GKAP1: variants seen among roughly 807,000 people sequenced by gnomAD.
The protein encoded by GKAP1 is G kinase anchoring protein 1.
Under a neutral mutation model 56.7 loss-of-function variants are expected in GKAP1, and 31 were observed. The observed-to-expected ratio is 0.55, with a 90% CI of 0.41 to 0.74. The LOEUF is 0.74. Among genes scored for constraint, GKAP1 ranks in the 30% least tolerant of loss-of-function variants. GKAP1 has a pLI of 0.00. For synonymous variants in GKAP1, 151 were observed against 138.6 expected (o/e 1.09, Z -0.63); for missense variants, 364 against 402.3 (o/e 0.90, Z 0.82).
chr9:83,776,229 G>T (rs1943859482), intron 7 of GKAP1, among the ~76,000 whole-genome samples: 1 of 152,122 alleles, frequency 6.6e-6, no homozygotes, highest in Non-Finnish European at 1.5e-5. Flanking sequence ...GCTAACAAAT[G>T]TAACACATAC....
At chr9:83,771,672 T>C (rs1222473603) in intron 7 of GKAP1, among the ~76,000 whole-genome samples, 2 of 152,210 alleles carry the variant, frequency 1.3e-5, no homozygotes, top group African/African-American at 4.8e-5. Context: ...GCCTTAAGAA[T>C]GCATGTGCGA....
At chr9:83,778,104 G>A (rs1391463008) in intron 7 of GKAP1, among the ~76,000 whole-genome samples, 1 of 152,168 alleles carries the variant, frequency 6.6e-6, no homozygotes, top group East Asian at 1.9e-4. Context: ...TGGTGGGAAT[G>A]TAAATTAGTT....
intron 8 of GKAP1, among the ~76,000 whole-genome samples, chr9:83,768,520 T>C (rs1943701947): frequency 6.6e-6 from 1 of 152,214 alleles, no homozygotes; most frequent in Non-Finnish European, 1.5e-5. Flanking sequence ...ACTCTGAGTG[T>C]CTAAGGGAAG....
intron 2 of GKAP1, among the ~76,000 whole-genome samples, chr9:83,815,312 A>G (rs545637747): frequency 6.6e-6 from 1 of 151,744 alleles, no homozygotes; most frequent in South Asian, 2.1e-4. Context: ...GGGTCTCACT[A>G]TGTTGCCCAG....
intron 4 of GKAP1, among the ~76,000 whole-genome samples, chr9:83,798,688 G>GT (rs564342943): frequency 2.4e-4 from 36 of 151,736 alleles, no homozygotes; most frequent in Admixed American, 4.6e-4. Context: ...TAATTTTTCT[G>GT]TTTTTTTTGT....
Position 83,782,638 on chromosome 9 carries a change from G to A in GKAP1, c.562+2077C>T, listed in dbSNP as rs530463984. 1.8e-4 allele frequency among the ~76,000 whole-genome samples: 26 copies of A among 147,884 alleles called. No individual in the cohort carries two copies. The South Asian group carries it at 2.4e-3, about 13-fold the overall frequency. On this transcript the variant is annotated intron_variant, in intron 6 of 12. Coordinates refer to ENST00000376371, the MANE Select transcript of GKAP1 (RefSeq NM_025211.4). The stretch of plus-strand genomic sequence containing the variant: ...CTCCCAAAGTGCTGGAATTGCAGGC[G>A]TGATGAGCCAACGCGCCCAGCCTTT...
intron 5 of GKAP1, among the ~76,000 whole-genome samples, chr9:83,785,571 G>T (rs1944050641): frequency 6.6e-6 from 1 of 152,086 alleles, no homozygotes. Flanking sequence ...GTCTAAGTTG[G>T]AAACCTCAGA....
At chr9:83,803,177 T>C (rs1300737512) in intron 3 of GKAP1, among the ~76,000 whole-genome samples, 1 of 152,098 alleles carries the variant, frequency 6.6e-6, no homozygotes, top group African/African-American at 2.4e-5. Context: ...ACAACCCAAA[T>C]GCTTATCATG....
chr9:83,773,127 T>C (rs1943791103), intron 7 of GKAP1, among the ~76,000 whole-genome samples: 1 of 152,214 alleles, frequency 6.6e-6, no homozygotes, highest in Admixed American at 6.5e-5. Context: ...ATACGTCAAA[T>C]GTGCATAGCA....
intron 2 of GKAP1, among the ~76,000 whole-genome samples, chr9:83,807,322 G>C (rs1944453673): frequency 6.6e-6 from 1 of 152,122 alleles, no homozygotes; most frequent in South Asian, 2.1e-4. Context: ...GTTCTTTCTG[G>C]AAGTTAGCGG....
intron 8 of GKAP1, among the ~76,000 whole-genome samples, chr9:83,767,084 T>C (rs895934777): frequency 2.6e-5 from 4 of 152,136 alleles, no homozygotes; most frequent in African/African-American, 9.7e-5. Context: ...GTGGTTTTGG[T>C]GATAAAAATA....
At chr9:83,776,619 C>T (rs536409583) in intron 7 of GKAP1, among the ~76,000 whole-genome samples, 37 of 152,124 alleles carry the variant, frequency 2.4e-4, no homozygotes, top group Non-Finnish European at 4.1e-4. Flanking sequence ...TCGCTTGAAC[C>T]CTGGAGGTGG....
In GKAP1 at chr9:83,798,414, TAG is replaced by T. The variant is rs1564210711; in HGVS notation, c.360+769_360+770del. Among the ~76,000 whole-genome samples, 4 of 152,328 alleles carry T rather than the reference TAG, an allele frequency of 2.6e-5. No individual in the cohort carries two copies. In the East Asian group the frequency reaches 7.7e-4, roughly 29 times the overall value. On this transcript the variant is annotated intron_variant, in intron 4 of 12. Transcript: ENST00000376371. ...TTATTTGGTTGTTAATGACATTTAA[TAG>T]AGACATAGAAGAACAAAATATCATG...
intron 4 of GKAP1, among the ~76,000 whole-genome samples, chr9:83,792,781 C>A (rs945578401): frequency 1.4e-4 from 21 of 151,896 alleles, no homozygotes; most frequent in Non-Finnish European, 2.6e-4. Context: ...AAGACAGGCT[C>A]CAGGCAATAA....
chr9:83,812,648 A>T (rs1944528003), intron 2 of GKAP1, among the ~76,000 whole-genome samples: 1 of 147,696 alleles, frequency 6.8e-6, no homozygotes, highest in South Asian at 2.1e-4. Context: ...CTCTACAATG[A>T]TATTAGTTCT....
At chr9:83,759,788 A>T (rs1943538185) in intron 8 of GKAP1, among the ~76,000 whole-genome samples, 1 of 152,154 alleles carries the variant, frequency 6.6e-6, no homozygotes, top group Non-Finnish European at 1.5e-5. Flanking sequence ...CCTAATAATT[A>T]GTAGTCTTTA....
At chr9:83,748,091 G>A (rs1013514141) in intron 10 of GKAP1, among the ~76,000 whole-genome samples, 1 of 152,100 alleles carries the variant, frequency 6.6e-6, no homozygotes, top group African/African-American at 2.4e-5. Context: ...AGGTATTTAA[G>A]ATATCCAGGA....
chr9:83,785,892 A>G (rs1944055808), intron 5 of GKAP1, among the ~76,000 whole-genome samples: 1 of 152,224 alleles, frequency 6.6e-6, no homozygotes, highest in Non-Finnish European at 1.5e-5. Flanking sequence ...TTTATGTCCT[A>G]TCCTTCTGGC....
chr9:83,788,451 T>C, intron 5 of GKAP1, 150 bp downstream of exon 5: 2 of 516,862 alleles, frequency 3.9e-6, no homozygotes, highest in Non-Finnish European at 6.8e-6. Flanking sequence ...AGGAATCCTA[T>C]TATAAACACT....
Sources: gnomAD v4.1 joint callset for allele counts (sites outside exome capture counted in the v4.1 genomes callset) on GRCh38, gnomAD v4.1.1 for gene constraint, MANE v1.5 for transcripts, NCBI Gene and HGNC (gene_info 2026-07-23, HGNC 2026-07-21) for gene names.